The following SPPL2B variants were observed in gnomAD, a reference collection of about 807,000 sequenced individuals.
The protein encoded by SPPL2B is signal peptide peptidase-like 2B.
SPPL2B carries 39 observed loss-of-function variants against 59.7 expected under a neutral mutation model. The ratio of observed to expected loss-of-function variants is 0.65; its 90% CI spans 0.51 to 0.85. The LOEUF (loss-of-function observed/expected upper bound fraction) is 0.85, where lower values mean the gene tolerates loss of function less well. Ranked by LOEUF, SPPL2B falls within the 40% of genes least tolerant of loss-of-function variation. The pLI is 0.00. For missense variants in SPPL2B, 865 were observed against 849.0 expected, an observed-to-expected ratio of 1.02 and a Z score of -0.23; for synonymous variants, 419 against 370.8, an observed-to-expected ratio of 1.13 and a Z score of -1.49.
intron 10 of SPPL2B, 80 bp from the exon 11 acceptor site, chr19:2,344,282 T>C (rs1490345626): frequency 1.4e-5 from 5 of 361,554 alleles, no homozygotes; most frequent in Admixed American, 4.7e-5. Flanking sequence ...CGCATCACCC[T>C]GCCCCCTCGC....
At position 2,351,720 on chromosome 19, in the gene SPPL2B, CCTT is replaced by C; in HGVS notation, c.1515+129_1515+131del. The C allele has an allele frequency of 3.0e-6, 4 of 1,327,956 alleles. No homozygotes were observed. The East Asian group carries it at 9.6e-5, about 32-fold the overall frequency. 82.3% of individuals were successfully genotyped at this position (1,327,956 alleles called of 1,614,324 possible). A position where few individuals can be genotyped will look rare whatever the true frequency, so the allele number is the denominator to read the frequency against. On this transcript the variant is annotated intron_variant, in intron 14 of 14. Transcript: ENST00000613503. The stretch of plus-strand genomic sequence containing the variant: ...CGCGACGGGGCTCAGGGTCCTGGTA[CCTT>C]CTGCTTTGGGTGTCATGCGCGTGAG...
rs1225431829 is a variant in SPPL2B at position 2,345,181 on chromosome 19, G to A, written c.1277-72G>A. 1.4e-5 allele frequency: 19 copies of A among 1,376,964 alleles called. No homozygotes were observed. In the Admixed American group the frequency reaches 3.1e-4, roughly 22 times the overall value. 85.3% of individuals were successfully genotyped at this position (1,376,964 alleles called of 1,614,324 possible). A position where few individuals can be genotyped will look rare whatever the true frequency, so the allele number is the denominator to read the frequency against. ...GGCGCCCACAGGTGCTCAGGTGCCC[G>A]CCCGCTCCCAGGAAGCCCCTGCTCT... is the stretch of plus-strand genomic sequence containing the variant. On this transcript the variant is annotated intron_variant, in intron 12 of 14. Transcript: ENST00000613503.
At chr19:2,347,632 TCA>T (rs1330862259) in intron 13 of SPPL2B, among the ~76,000 whole-genome samples, 5 of 3,484 alleles carry the variant, frequency 1.4e-3, no homozygotes, top group African/African-American at 5.6e-3. Flanking sequence ...ACACACACAC[TCA>T]CGCGCTCTCA....
At chr19:2,352,907 C>T (rs777488056) in intron 14 of SPPL2B, 39 bp from the exon 15 acceptor site, 10 of 1,609,056 alleles carry the variant, frequency 6.2e-6, no homozygotes, top group African/African-American at 2.7e-5. Flanking sequence ...TCCTCTGGGT[C>T]CCTGTCTCCG....
At position 2,344,663 on chromosome 19, in the gene SPPL2B, G is replaced by A. The variant is rs575262617; in HGVS notation, c.1276+11G>A. On this transcript the variant is annotated intron_variant, in intron 12 of 14. Transcript: ENST00000613503. Reference sequence around the variant, plus strand: ...ACATTTTGGTGCCAGGTACTGAGGCGGGTGGAGCACACGGGTCCACGCTGT... The same window carrying A: ...ACATTTTGGTGCCAGGTACTGAGGCAGGTGGAGCACACGGGTCCACGCTGT... The A allele has an allele frequency of 9.5e-6, 15 of 1,575,772 alleles. No individual in the cohort carries two copies. Among genetic ancestry groups the A allele is most frequent in the Admixed American group, 3.4e-5 (2 of 59,242 alleles).
chr19:2,335,902 CTCA>C (rs1968571960), intron 2 of SPPL2B, among the ~76,000 whole-genome samples: 1 of 152,214 alleles, frequency 6.6e-6, no homozygotes, highest in Admixed American at 6.5e-5. Context: ...CCTGGACATG[CTCA>C]TGTGTCTGCA....
At chr19:2,331,474 T>G (rs1456329644) in intron 1 of SPPL2B, among the ~76,000 whole-genome samples, 1 of 152,154 alleles carries the variant, frequency 6.6e-6, no homozygotes, top group Non-Finnish European at 1.5e-5. Context: ...AGCTGTGGCC[T>G]TTGGAAGAAT....
Position 2,353,427 on chromosome 19 carries a change from G to A in SPPL2B, c.*218G>A, listed in dbSNP as rs1237523859. On this transcript the variant is annotated 3_prime_UTR_variant, in exon 15 of 15. Transcript: ENST00000613503. ...GCTGCACGCCTGCTGCTCCCAGCTC[G>A]CCCGGCTGCCACAAGCTCTCTGCGG... The A allele has an allele frequency of 1.5e-5, 9 of 590,126 alleles. No individual in the cohort carries two copies. Among genetic ancestry groups the A allele is most frequent in the South Asian group, 1.0e-4 (5 of 48,134 alleles). The allele number at this position is 590,126 out of a possible 1,614,324, so 36.6% of individuals were successfully genotyped here.
rs778669650 is a variant in SPPL2B at position 2,338,851 on chromosome 19, C to T, written c.459+10C>T. The T allele has an allele frequency of 1.3e-5, 21 of 1,610,304 alleles. 1 individual carries two copies. The Admixed American group carries it at 1.5e-4, about 12-fold the overall frequency. ...GCTGGACATCTTCACGGTAGGTCTG[C>T]GCCGGCTCAGACCCACGCTCCCGAG... On this transcript the variant is annotated intron_variant, in intron 4 of 14. Coordinates refer to ENST00000613503, the MANE Select transcript of SPPL2B (RefSeq NM_152988.3).
intron 13 of SPPL2B, among the ~76,000 whole-genome samples, chr19:2,348,422 A>T (rs1173606750): frequency 2.5e-5 from 2 of 81,352 alleles, no homozygotes; most frequent in Non-Finnish European, 4.7e-5. Flanking sequence ...CATTCGCTTG[A>T]TTCCATTCTC....
Position 2,328,736 on chromosome 19 carries a change from G to A in SPPL2B, c.27G>A (p.Leu9=). 3 of 1,461,934 alleles carry A rather than the reference G, an allele frequency of 2.1e-6. No homozygotes were observed. Among genetic ancestry groups the A allele is most frequent in the Non-Finnish European group, 1.8e-6 (2 of 1,115,208 alleles). 90.6% of individuals were successfully genotyped at this position (1,461,934 alleles called of 1,614,324 possible). Residue 9 remains leucine, a synonymous_variant, in exon 1 of 15, where the codon CTG becomes CTA. Transcript: ENST00000613503. ...TGGCGGCAGCGGTGGCGGCTGCGCT[G>A]GCGCGGCTTTTGGCGGCCTTTCTGC... is the stretch of plus-strand genomic sequence containing the variant. The part of the protein sequence containing the change: MAAAVAAA[L]ARLLAAFLLL...
intron 7 of SPPL2B, chr19:2,340,518 G>A: frequency 3.4e-6 from 2 of 595,774 alleles, no homozygotes; most frequent in Non-Finnish European, 6.2e-6. Context: ...AGGGGTAAAG[G>A]GAGCTGCTGG....
chr19:2,351,508 C>A lies in SPPL2B; in HGVS notation c.1429C>A (p.Leu477Met). ...GCGTGGCCAGCCCGCTCTCCTCTAC[C>A]TGGTGCCCTGCACGCTGGTGACGAG... is the stretch of plus-strand genomic sequence containing the variant. ...MQRGQPALLY[L>M]VPCTLVTSCA... Residue 477 changes from leucine (L) to methionine (M), a missense_variant, in exon 14 of 15, where the codon CTG (leucine) becomes ATG (methionine). By Grantham distance (15) the Leu-to-Met change is conservative (BLOSUM62 2). Coordinates refer to ENST00000613503, the MANE Select transcript of SPPL2B (RefSeq NM_152988.3). The A allele has an allele frequency of 6.2e-7, 1 of 1,611,138 alleles. No homozygotes were observed. The highest frequency in any genetic ancestry group is 1.1e-5 in the South Asian group (1 of 91,066).
chr19:2,336,144 A>T (rs968848230), intron 2 of SPPL2B, among the ~76,000 whole-genome samples: 1 of 152,020 alleles, frequency 6.6e-6, no homozygotes, highest in African/African-American at 2.4e-5. Flanking sequence ...GTGTCAGCAC[A>T]CCTGTGTGTG....
In SPPL2B at chr19:2,338,827, C is replaced by G. The variant is rs961216762; in HGVS notation, c.445C>G (p.Leu149Val). The G allele has an allele frequency of 6.2e-7, 1 of 1,613,370 alleles. No homozygotes were observed. The highest frequency in any genetic ancestry group is 1.3e-5 in the African/African-American group (1 of 74,920). The change falls in exon 4 of 15, where the codon CTG (leucine) becomes GTG (valine). Residue 149 changes from leucine (L) to valine (V), a missense_variant. By Grantham distance (32) the Leu-to-Val change is conservative (BLOSUM62 1). Coordinates refer to ENST00000613503, the MANE Select transcript of SPPL2B (RefSeq NM_152988.3). ...GGCCCTGCTCAGCTACAAAGACATGCTGGACATCTTCACGGTAGGTCTGCG... is the reference window on the plus strand; with the variant it reads ...GGCCCTGCTCAGCTACAAAGACATGGTGGACATCTTCACGGTAGGTCTGCG... ...PVALLSYKDM[L>V]DIFTRFGRTV...
rs549205271 is a variant in SPPL2B at position 2,344,819 on chromosome 19, G to A, written c.1276+167G>A. Reference sequence around the variant, plus strand: ...GTTGAGGCCTGGGTGCCTGGGCAGCGAGGGCATTGCCTGGGTGGGGTAGGG... The same window carrying A: ...GTTGAGGCCTGGGTGCCTGGGCAGCAAGGGCATTGCCTGGGTGGGGTAGGG... On this transcript the variant is annotated intron_variant, in intron 12 of 14. Coordinates refer to ENST00000613503, the MANE Select transcript of SPPL2B (RefSeq NM_152988.3). 2.6e-5 allele frequency among the ~76,000 whole-genome samples: 4 copies of A among 152,316 alleles called. No homozygotes were observed. In the East Asian group the frequency reaches 5.8e-4, roughly 22 times the overall value.
At chr19:2,350,962 C>T (rs1469610674) in intron 13 of SPPL2B, among the ~76,000 whole-genome samples, 1 of 152,242 alleles carries the variant, frequency 6.6e-6, no homozygotes, top group Non-Finnish European at 1.5e-5. Flanking sequence ...CCCTTTGACC[C>T]CAAACATTTC....
Position 2,334,701 on chromosome 19 carries a change from C to T in SPPL2B, c.166C>T (p.Pro56Ser). 6.2e-7 allele frequency: 1 copy of T among 1,610,266 alleles called. No homozygotes were observed. Reference sequence around the variant, plus strand: ...CTACAACCCGCAGTGGGCCCATCTTCCGCACGACCTCAGCAAGGCAGTGAG... The same window carrying T: ...CTACAACCCGCAGTGGGCCCATCTTTCGCACGACCTCAGCAAGGCAGTGAG... ...ILYNPQWAHL[P>S]HDLSKASFLQ... Residue 56 changes from proline to serine, a missense_variant, in exon 2 of 15, where the codon CCG becomes TCG. Coordinates refer to ENST00000613503, the MANE Select transcript of SPPL2B (RefSeq NM_152988.3).
rs771290080 is a variant in SPPL2B, at chr19:2,344,600, C to T, written c.1224C>T (p.Ala408=). 9 of 1,613,170 alleles carry T rather than the reference C, an allele frequency of 5.6e-6. No homozygotes were observed. Among genetic ancestry groups the T allele is most frequent in the East Asian group, 2.2e-5 (1 of 44,842 alleles). The change falls in exon 12 of 15, where the codon GCC becomes GCT. Residue 408 remains alanine (A), a synonymous_variant. Transcript: ENST00000613503. ...CCAGGCTGAACTCCTCACCTCTGGC[C>T]CTGTGTGACCGGCCCTTCTCCCTCC... ...KVPRLNSSPL[A]LCDRPFSLLG... is the part of the protein sequence containing the mutation.
Sources: gnomAD v4.1 joint callset for allele counts (sites outside exome capture counted in the v4.1 genomes callset) on GRCh38, gnomAD v4.1.1 for gene constraint, MANE v1.5 for transcripts, NCBI Gene and HGNC (gene_info 2026-07-23, HGNC 2026-07-21) for gene names.